Variants in NIPAL2 observed in about 807,000 individuals in gnomAD.
NIPAL2 encodes the protein NIPA-like protein 2.
A neutral mutation model predicts 48.9 loss-of-function variants in NIPAL2; 43 were observed. The observed-to-expected ratio is 0.88, with a 90% CI of 0.69 to 1.13. The LOEUF (loss-of-function observed/expected upper bound fraction) is 1.13, where lower values mean the gene tolerates loss of function less well. NIPAL2 is among the 50% of genes most tolerant of loss of function. NIPAL2 has a pLI of 0.00. For missense variants in NIPAL2, 446 were observed against 461.4 expected, an observed-to-expected ratio of 0.97 and a Z score of 0.31; for synonymous variants, 167 against 174.6, an observed-to-expected ratio of 0.96 and a Z score of 0.34.
rs1169951371 is a variant in NIPAL2, at chr8:98,190,482, C to G, written c.*2496G>C. 1.3e-5 allele frequency: 2 copies of G among 152,372 alleles called. No individual in the cohort carries two copies. The highest frequency in any genetic ancestry group is 4.8e-5 in the African/African-American group (2 of 41,434). The allele number at this position is 152,372 out of a possible 1,614,324, so 9.4% of individuals were successfully genotyped here. Reference sequence around the variant, plus strand: ...GGACTCCAGGCACCCACCGTCATGCCTGGCTAATTTTTGTACTTTTAGTAG... The same window carrying G: ...GGACTCCAGGCACCCACCGTCATGCGTGGCTAATTTTTGTACTTTTAGTAG... On this transcript the variant is annotated 3_prime_UTR_variant, in exon 11 of 11. Coordinates refer to ENST00000430223, the MANE Select transcript of NIPAL2 (RefSeq NM_001321635.2).
intron 3 of NIPAL2, among the ~76,000 whole-genome samples, chr8:98,245,629 A>G (rs1413605740): frequency 6.6e-6 from 1 of 152,218 alleles, no homozygotes; most frequent in East Asian, 1.9e-4. Flanking sequence ...AAGACTCCAA[A>G]AAAGTAAAAA....
chr8:98,266,564 A>G (rs1255902095), intron 1 of NIPAL2, among the ~76,000 whole-genome samples: 2 of 151,792 alleles, frequency 1.3e-5, no homozygotes, highest in Admixed American at 1.3e-4. Context: ...AAAAAAAAAA[A>G]AAAAAAGCCA....
chr8:98,277,421 C>T (rs1815534572), intron 1 of NIPAL2, among the ~76,000 whole-genome samples: 1 of 152,038 alleles, frequency 6.6e-6, no homozygotes, highest in Non-Finnish European at 1.5e-5. Flanking sequence ...TCTATAGTCC[C>T]AGCTAGTTGG....
intron 1 of NIPAL2, among the ~76,000 whole-genome samples, chr8:98,264,648 A>G (rs1298762895): frequency 6.6e-6 from 1 of 150,492 alleles, no homozygotes; most frequent in Non-Finnish European, 1.5e-5. Flanking sequence ...AACAAATGGA[A>G]GAACATTCCA....
chr8:98,290,819 T>A (rs1816451614), intron 1 of NIPAL2, among the ~76,000 whole-genome samples: 1 of 152,154 alleles, frequency 6.6e-6, no homozygotes, highest in South Asian at 2.1e-4. Flanking sequence ...GAGCACAGCT[T>A]GCTTTAAACA....
intron 3 of NIPAL2, among the ~76,000 whole-genome samples, chr8:98,244,386 G>C (rs1409113786): frequency 3.1e-5 from 3 of 96,438 alleles, no homozygotes; most frequent in Non-Finnish European, 6.6e-5. Flanking sequence ...AATGATGAGA[G>C]GGTGGGCGTG....
chr8:98,271,631 G>A (rs964012043), intron 1 of NIPAL2, among the ~76,000 whole-genome samples: 16 of 152,068 alleles, frequency 1.1e-4, no homozygotes, highest in South Asian at 2.1e-4. Context: ...GAGTCATATC[G>A]TCAGTGAAGA....
chr8:98,194,102 A>G (rs952678182), intron 10 of NIPAL2, among the ~76,000 whole-genome samples: 2 of 152,168 alleles, frequency 1.3e-5, no homozygotes, highest in African/African-American at 4.8e-5. Context: ...CTACATCCCC[A>G]GTAAGGCTGG....
At position 98,257,506 on chromosome 8, in the gene NIPAL2, C is replaced by T. The variant is rs575838096; in HGVS notation, c.136-3419G>A. 2.0e-5 allele frequency among the ~76,000 whole-genome samples: 3 copies of T among 152,196 alleles called. No homozygotes were observed. The East Asian group carries it at 5.8e-4, about 29-fold the overall frequency. ...TCTCTTGACCTCATGATCTGCCCGC[C>T]TTGACCTACCTAAGTGCCGGGATTA... is the stretch of plus-strand genomic sequence containing the variant. On this transcript the variant is annotated intron_variant, in intron 1 of 10. Transcript: ENST00000430223.
At chr8:98,218,044 A>G (rs1392684016) in intron 5 of NIPAL2, among the ~76,000 whole-genome samples, 1 of 152,264 alleles carries the variant, frequency 6.6e-6, no homozygotes, top group Non-Finnish European at 1.5e-5. Flanking sequence ...ACACAGCTTA[A>G]TAAAAAGTAG....
At chr8:98,235,720 T>A (rs186786607) in intron 4 of NIPAL2, among the ~76,000 whole-genome samples, 99 of 151,440 alleles carry the variant, frequency 6.5e-4, no homozygotes, top group East Asian at 3.7e-3. Context: ...GCTCAAATTT[T>A]AAAAAAAATA....
intron 4 of NIPAL2, among the ~76,000 whole-genome samples, chr8:98,223,673 T>C (rs1246728943): frequency 6.6e-6 from 1 of 152,176 alleles, no homozygotes. Context: ...TGGAAGCAAA[T>C]AGCATTTGAT....
At chr8:98,193,228 T>C (rs1810381147) in intron 10 of NIPAL2, 138 bp from the exon 11 acceptor site, 4 of 1,057,292 alleles carry the variant, frequency 3.8e-6, no homozygotes, top group African/African-American at 3.2e-5. Context: ...AAGAGATGAA[T>C]ATCAAGGAAG....
chr8:98,291,056 T>A (rs996021121), intron 1 of NIPAL2, among the ~76,000 whole-genome samples: 3 of 152,226 alleles, frequency 2.0e-5, no homozygotes, highest in Non-Finnish European at 4.4e-5. Context: ...CTGCTAGCCT[T>A]AATTTAAATT....
At chr8:98,226,130 T>C (rs989147614) in intron 4 of NIPAL2, among the ~76,000 whole-genome samples, 3 of 152,156 alleles carry the variant, frequency 2.0e-5, no homozygotes, top group African/African-American at 4.8e-5. Context: ...TGGGTTATCT[T>C]GCATTTATTT....
intron 1 of NIPAL2, among the ~76,000 whole-genome samples, chr8:98,282,124 G>A (rs1228293172): frequency 6.6e-6 from 1 of 152,206 alleles, no homozygotes; most frequent in Non-Finnish European, 1.5e-5. Context: ...GATGGAGTTA[G>A]GGAAGCCTCG....
chr8:98,263,055 A>G (rs1368818347), intron 1 of NIPAL2, among the ~76,000 whole-genome samples: 4 of 150,576 alleles, frequency 2.7e-5, no homozygotes, highest in Admixed American at 6.6e-5. Context: ...ATGCAGGCAG[A>G]AATAAAGATG....
At chr8:98,230,442 T>C (rs1470767) in intron 4 of NIPAL2, among the ~76,000 whole-genome samples, 10,615 of 152,236 alleles carry the variant, frequency 0.07, 431 homozygotes, top group Middle Eastern at 0.14. Flanking sequence ...CAGAGGTGAA[T>C]TAAACAAACT....
intron 1 of NIPAL2, among the ~76,000 whole-genome samples, chr8:98,282,928 T>C (rs1469539369): frequency 6.6e-6 from 1 of 152,240 alleles, no homozygotes; most frequent in Non-Finnish European, 1.5e-5. Flanking sequence ...TCTTGGTTAT[T>C]GTATGCTATT....
Sources: gnomAD v4.1 joint callset for allele counts (sites outside exome capture counted in the v4.1 genomes callset) on GRCh38, gnomAD v4.1.1 for gene constraint, MANE v1.5 for transcripts, NCBI Gene and HGNC (gene_info 2026-07-23, HGNC 2026-07-21) for gene names.